ANKFN1: variants seen among roughly 807,000 people sequenced by gnomAD.
The protein encoded by ANKFN1 is ankyrin repeat and fibronectin type III domain containing 1.
Under a neutral mutation model 108.7 loss-of-function variants are expected in ANKFN1, and 74 were observed. The observed-to-expected ratio is 0.68, with a 90% CI of 0.56 to 0.83. The LOEUF (loss-of-function observed/expected upper bound fraction) is 0.83, where lower values mean the gene tolerates loss of function less well. Ranked by LOEUF, ANKFN1 falls within the 40% of genes least tolerant of loss-of-function variation. The probability of loss-of-function intolerance (pLI) is 0.00; values close to 1 mark genes in which losing one functional copy is unlikely to be tolerated. For synonymous variants in ANKFN1, 547 were observed against 516.2 expected, an observed-to-expected ratio of 1.06 and a Z score of -0.81; for missense variants, 1,505 against 1,382.3, an observed-to-expected ratio of 1.09 and a Z score of -1.41.
Position 56,399,741 on chromosome 17 carries a change from T to C in ANKFN1, c.910+25027T>C, listed in dbSNP as rs879668499. On this transcript the variant is annotated intron_variant, in intron 8 of 20. Coordinates refer to ENST00000682825, the MANE Select transcript of ANKFN1 (RefSeq NM_001370326.1). Reference sequence around the variant, plus strand: ...AGAACATATGATGTTTGGCTTTCCGTTTCTGAGTTACTTCACTTAGAATAA... The same window carrying C: ...AGAACATATGATGTTTGGCTTTCCGCTTCTGAGTTACTTCACTTAGAATAA... 6.3e-4 allele frequency among the ~76,000 whole-genome samples: 95 copies of C among 151,838 alleles called. 1 individual carries two copies. Among genetic ancestry groups the C allele is most frequent in the Middle Eastern group, 3.4e-3 (1 of 294 alleles).
At chr17:56,482,914 T>C (rs566409488) in intron 18 of ANKFN1, among the ~76,000 whole-genome samples, 1 of 151,974 alleles carries the variant, frequency 6.6e-6, no homozygotes, top group East Asian at 1.9e-4. Flanking sequence ...ACTTCCTTTC[T>C]CTCTCCTTTC....
intron 3 of ANKFN1, among the ~76,000 whole-genome samples, chr17:56,303,282 A>G (rs1226957455): frequency 6.6e-6 from 1 of 152,242 alleles, no homozygotes; most frequent in Non-Finnish European, 1.5e-5. Flanking sequence ...TATTACATTC[A>G]ATAAATACCT....
In ANKFN1 at chr17:56,510,784, A is replaced by T; in HGVS notation, c.2956A>T (p.Thr986Ser). The T allele has an allele frequency of 1.3e-6, 2 of 1,535,796 alleles. No individual in the cohort carries two copies. Among genetic ancestry groups the T allele is most frequent in the Non-Finnish European group, 1.7e-6 (2 of 1,146,778 alleles). The change falls in exon 21 of 21, where the codon ACT (threonine) becomes TCT (serine). Residue 986 changes from threonine (T) to serine (S), a missense_variant. Thr to Ser is a moderately conservative substitution (Grantham distance 58, BLOSUM62 1). Coordinates refer to ENST00000682825, the MANE Select transcript of ANKFN1 (RefSeq NM_001370326.1). ...TGFTPKNHAKTVSGGRPPLGF... is the reference protein window; with the variant it reads ...TGFTPKNHAKSVSGGRPPLGF... ...GTTCACACCCAAGAACCACGCCAAG[A>T]CTGTGTCCGGTGGGCGGCCCCCGCT...
intron 1 of ANKFN1, among the ~76,000 whole-genome samples, chr17:56,187,690 C>T (rs1410510067): frequency 2.6e-5 from 4 of 152,124 alleles, no homozygotes. Context: ...CCCAAATGTC[C>T]ATCAATGATA....
chr17:56,419,810 CA>C (rs5821128), intron 8 of ANKFN1, among the ~76,000 whole-genome samples: 9,267 of 101,984 alleles, frequency 0.091, 787 homozygotes, highest in African/African-American at 0.24. Flanking sequence ...GACCCTGTCT[CA>C]AAAAAAAAAA....
At chr17:56,159,065 GAAGA>G (rs1352145678) in intron 1 of ANKFN1, among the ~76,000 whole-genome samples, 3 of 135,498 alleles carry the variant, frequency 2.2e-5, no homozygotes, top group African/African-American at 8.3e-5. Context: ...AGCAGAAGAA[GAAGA>G]AAGAAGAAGA....
intron 8 of ANKFN1, among the ~76,000 whole-genome samples, chr17:56,385,922 A>G (rs1049688792): frequency 7.4e-4 from 113 of 152,282 alleles, no homozygotes; most frequent in East Asian, 2.1e-3. Flanking sequence ...GCGATTCCTC[A>G]GGGATCTAGA....
At chr17:56,502,768 C>A (rs937797273) in intron 20 of ANKFN1, among the ~76,000 whole-genome samples, 1 of 152,222 alleles carries the variant, frequency 6.6e-6, no homozygotes, top group African/African-American at 2.4e-5. Flanking sequence ...ATAGGATTCA[C>A]TAACTTCAAA....
chr17:56,316,899 C>G lies in ANKFN1; in HGVS notation c.54-9322C>G, dbSNP rs531093247. 1.3e-4 allele frequency among the ~76,000 whole-genome samples: 20 copies of G among 152,244 alleles called. 1 individual carries two copies. Among genetic ancestry groups the G allele is most frequent in the Admixed American group, 1.2e-3 (19 of 15,286 alleles). ...CTTGTTGGCTTTCTCTGAAGAAAAC[C>G]TGAATAGAGAATAGAATTCTATTAA... is the stretch of plus-strand genomic sequence containing the variant. On this transcript the variant is annotated intron_variant, in intron 3 of 20. Coordinates refer to ENST00000682825, the MANE Select transcript of ANKFN1 (RefSeq NM_001370326.1).
At chr17:56,134,762 G>A (rs1907497888) in intron 4 of ANKFN1, among the ~76,000 whole-genome samples, 1 of 152,108 alleles carries the variant, frequency 6.6e-6, no homozygotes, top group South Asian at 2.1e-4. Context: ...TGAAAAGATA[G>A]GTTCTACTTC....
chr17:56,327,947 TC>T, intron 4 of ANKFN1, among the ~76,000 whole-genome samples: 1 of 152,100 alleles, frequency 6.6e-6, no homozygotes, highest in Non-Finnish European at 1.5e-5. Context: ...GGGATACATG[TC>T]CCTTCCCTCA....
intron 8 of ANKFN1, among the ~76,000 whole-genome samples, chr17:56,378,143 G>T (rs1183746380): frequency 3.9e-5 from 6 of 152,168 alleles, no homozygotes; most frequent in Non-Finnish European, 7.3e-5. Flanking sequence ...AGCTCATAGT[G>T]TATCTGCTTC....
intron 15 of ANKFN1, among the ~76,000 whole-genome samples, chr17:56,470,036 G>T (rs2050262984): frequency 6.6e-6 from 1 of 152,182 alleles, no homozygotes; most frequent in African/African-American, 2.4e-5. Context: ...AGAACACATA[G>T]TGTTTGGTTT....
chr17:56,170,774 T>TATATATA lies in ANKFN1; in HGVS notation c.-71+17244_-71+17245insATATATA, dbSNP rs1555604530. 3.6e-3 allele frequency among the ~76,000 whole-genome samples: 244 copies of TATATATA among 68,046 alleles called. 3 individuals carry two copies. The highest frequency in any genetic ancestry group is 0.012 in the African/African-American group (144 of 12,306). 44.6% of individuals were successfully genotyped at this position (68,046 alleles called of 152,430 possible). A position where few individuals can be genotyped will look rare whatever the true frequency, so the allele number is the denominator to read the frequency against. The stretch of plus-strand genomic sequence containing the variant: ...TGAGACTCTGTCAAGAAAAAATTTT[T>TATATATA]TATATATATATATATATATATATAT... On this transcript the variant is annotated intron_variant, in intron 1 of 20. Transcript: ENST00000682825.
chr17:56,093,379 C>G (rs74317269), intron 4 of ANKFN1, among the ~76,000 whole-genome samples: 2 of 151,000 alleles, frequency 1.3e-5, no homozygotes, highest in Non-Finnish European at 1.5e-5. Context: ...TCCCTTCTGC[C>G]GTAGTGCTTG....
chr17:56,276,803 T>C (rs1567879796), intron 3 of ANKFN1, among the ~76,000 whole-genome samples: 1 of 152,208 alleles, frequency 6.6e-6, no homozygotes, highest in Non-Finnish European at 1.5e-5. Context: ...ATCATTCCCT[T>C]TATTTTTAAT....
chr17:56,122,223 C>A (rs1906666983), intron 4 of ANKFN1, among the ~76,000 whole-genome samples: 2 of 152,102 alleles, frequency 1.3e-5, no homozygotes, highest in South Asian at 4.1e-4. Context: ...AAGTTTTAAC[C>A]ATTGGAGTTA....
At chr17:56,146,194 C>A (rs1157056621) in intron 4 of ANKFN1, among the ~76,000 whole-genome samples, 1 of 152,160 alleles carries the variant, frequency 6.6e-6, no homozygotes, top group Admixed American at 6.5e-5. Context: ...GCTCTCATGA[C>A]CTTGGACAGC....
intron 8 of ANKFN1, among the ~76,000 whole-genome samples, chr17:56,406,943 C>T (rs2047940248): frequency 6.6e-6 from 1 of 152,130 alleles, no homozygotes. Flanking sequence ...AATAACCAAT[C>T]TTTTCTAGAT....
Sources: allele counts gnomAD v4.1 joint callset (sites outside exome capture counted in the v4.1 genomes callset), GRCh38; gene constraint gnomAD v4.1.1; transcripts MANE v1.5; gene names NCBI Gene and HGNC (gene_info 2026-07-23, HGNC 2026-07-21).